The following FKBP5 variants were observed in gnomAD, a reference collection of about 807,000 sequenced individuals.
The protein encoded by FKBP5 is FKBP prolyl isomerase 5.
Under a neutral mutation model 50.5 loss-of-function variants are expected in FKBP5, and 23 were observed. That is an observed-to-expected ratio of 0.46 (90% CI 0.33 to 0.65). The LOEUF (loss-of-function observed/expected upper bound fraction) is 0.65, where lower values mean the gene tolerates loss of function less well. Among genes scored for constraint, FKBP5 ranks in the 30% least tolerant of loss-of-function variants. The probability of loss-of-function intolerance (pLI) is 0.02; values close to 1 mark genes in which losing one functional copy is unlikely to be tolerated. For synonymous variants in FKBP5, 176 were observed against 190.6 expected, an observed-to-expected ratio of 0.92 and a Z score of 0.63; for missense variants, 411 against 553.1, an observed-to-expected ratio of 0.74 and a Z score of 2.58.
intron 5 of FKBP5, chr6:35,607,765 G>A (rs1763368996): frequency 9.2e-6 from 2 of 216,468 alleles, no homozygotes; most frequent in South Asian, 2.0e-4. Context: ...TGATCTGAGA[G>A]CTGTGTGGCT....
At chr6:35,585,009 G>A in intron 8 of FKBP5, 1 of 985,352 alleles carries the variant, frequency 1.0e-6, no homozygotes, top group Non-Finnish European at 1.2e-6. Context: ...CTATATGACA[G>A]ATGGCTTCAT....
intron 5 of FKBP5, among the ~76,000 whole-genome samples, chr6:35,615,625 C>T (rs1364950155): frequency 1.3e-5 from 2 of 151,970 alleles, no homozygotes; most frequent in African/African-American, 4.8e-5. Flanking sequence ...AATAAATATA[C>T]AGTAGGATTC....
At chr6:35,696,395 C>G (rs1245675395) in intron 2 of FKBP5, among the ~76,000 whole-genome samples, 4 of 151,546 alleles carry the variant, frequency 2.6e-5, no homozygotes, top group Admixed American at 6.6e-5. Flanking sequence ...ACCTGTAGTC[C>G]CAGCTACTCA....
At chr6:35,662,479 G>A (rs1024413659) in intron 1 of FKBP5, among the ~76,000 whole-genome samples, 1 of 145,928 alleles carries the variant, frequency 6.9e-6, no homozygotes, top group African/African-American at 2.5e-5. Flanking sequence ...AGACAAGGTC[G>A]CACTATGTTG....
rs1469289255 is a variant in FKBP5 at position 35,711,096 on chromosome 6, G to A, written c.-20+9232C>T. ...TCACTTTGGGAGGCTGAGGTAGGCA[G>A]ATGGCTTGAGTCCGCGAAGTCAAGA... On this transcript the variant is annotated intron_variant, in intron 2 of 11. Coordinates refer to the FKBP5 transcript ENST00000536438. 2.0e-5 allele frequency among the ~76,000 whole-genome samples: 3 copies of A among 152,222 alleles called. No individual in the cohort carries two copies. The East Asian group carries it at 5.8e-4, about 29-fold the overall frequency.
chr6:35,619,315 T>C, intron 4 of FKBP5, 105 bp from the exon 5 acceptor site: 1 of 676,024 alleles, frequency 1.5e-6, no homozygotes, highest in Non-Finnish European at 2.5e-6. Flanking sequence ...AATAAAGCTG[T>C]TTTAAAATAT....
chr6:35,669,024 G>A (rs1415559184), intron 1 of FKBP5, among the ~76,000 whole-genome samples: 2 of 152,072 alleles, frequency 1.3e-5, no homozygotes, highest in Non-Finnish European at 2.9e-5. Flanking sequence ...AAACACTTGA[G>A]ATGCAATTAA....
chr6:35,626,352 T>TA (rs1036340852), intron 3 of FKBP5, among the ~76,000 whole-genome samples: 2 of 152,124 alleles, frequency 1.3e-5, no homozygotes, highest in African/African-American at 2.4e-5. Context: ...TTTTCTGGTT[T>TA]AAAAAAATTA....
In FKBP5 at chr6:35,683,120, ATGTGTGTGTGTGTGTG is replaced by A. The variant is rs35830022; in HGVS notation, c.-20+5668_-20+5683del. ...AGTGTGTGTGTATATATATACGTAT[ATGTGTGTGTGTGTGTG>A]TGTGTGTGTGTGTGTGTGTGTGTGT... On this transcript the variant is annotated intron_variant, in intron 1 of 10. Coordinates refer to ENST00000357266, the MANE Select transcript of FKBP5 (RefSeq NM_004117.4). 0.012 allele frequency among the ~76,000 whole-genome samples: 948 copies of A among 80,668 alleles called. 30 individuals carry two copies. In the East Asian group the frequency reaches 0.12, roughly 10 times the overall value. 52.9% of individuals were successfully genotyped at this position (80,668 alleles called of 152,430 possible). A position where few individuals can be genotyped will look rare whatever the true frequency, so the allele number is the denominator to read the frequency against.
chr6:35,607,929 G>T, intron 5 of FKBP5: 1 of 161,874 alleles, frequency 6.2e-6, no homozygotes, highest in South Asian at 1.7e-4. Context: ...CGCTGCCAAG[G>T]ACTGAGCACT....
intron 1 of FKBP5, among the ~76,000 whole-genome samples, chr6:35,668,966 C>T (rs1765307145): frequency 6.6e-6 from 1 of 151,930 alleles, no homozygotes; most frequent in Admixed American, 6.6e-5. Flanking sequence ...CTAAAGACTC[C>T]TGTAGGAAGT....
chr6:35,705,232 ATATATATATATATATATATATATATATTT>A (rs1409284059), intron 2 of FKBP5, among the ~76,000 whole-genome samples: 382 of 4,062 alleles, frequency 0.094, 5 homozygotes, highest in African/African-American at 0.32. Context: ...ATATATATAT[ATATATATATATATATATATATATATATTT>A]TTTTTTTTTT....
At chr6:35,703,126 T>G (rs796251955) in intron 2 of FKBP5, among the ~76,000 whole-genome samples, 1 of 152,002 alleles carries the variant, frequency 6.6e-6, no homozygotes, top group Admixed American at 6.6e-5. Flanking sequence ...GGCAGGCACC[T>G]GTAATCCCAG....
chr6:35,586,550 T>C (rs1474018159), intron 8 of FKBP5: 2 of 985,130 alleles, frequency 2.0e-6, no homozygotes, highest in Non-Finnish European at 2.4e-6. Flanking sequence ...GAGGATTGCT[T>C]GAGGCTAGAA....
At position 35,630,983 on chromosome 6, in the gene FKBP5, T is replaced by C. The variant is rs114111352; in HGVS notation, c.250+6031A>G. On this transcript the variant is annotated intron_variant, in intron 3 of 10. Coordinates refer to ENST00000357266, the MANE Select transcript of FKBP5 (RefSeq NM_004117.4). ...AAGACAAACAACTGATGTTTTAAAA[T>C]GGGCAGAAGATCTGAACAGACACTT... 7.3e-3 allele frequency among the ~76,000 whole-genome samples: 1,104 copies of C among 152,274 alleles called. 11 individuals carry two copies. The highest frequency in any genetic ancestry group is 0.023 in the African/African-American group (951 of 41,554).
At chr6:35,576,687 C>T (rs538943311) in intron 10 of FKBP5, among the ~76,000 whole-genome samples, 8 of 84,394 alleles carry the variant, frequency 9.5e-5, no homozygotes, top group East Asian at 2.9e-4. Flanking sequence ...GCCCGGGGGG[C>T]GGGCGGGGGG....
chr6:35,650,748 TC>T (rs1447470136), intron 1 of FKBP5, among the ~76,000 whole-genome samples: 4 of 152,170 alleles, frequency 2.6e-5, no homozygotes, highest in Non-Finnish European at 5.9e-5. Flanking sequence ...AGTGCTGGGA[TC>T]ACAGACATGA....
chr6:35,694,596 A>C (rs1013365000), intron 2 of FKBP5, among the ~76,000 whole-genome samples: 17 of 152,182 alleles, frequency 1.1e-4, no homozygotes, highest in African/African-American at 4.1e-4. Flanking sequence ...ATCTAGGGGC[A>C]CCAGCAGTCT....
chr6:35,682,579 T>A (rs1004626120), intron 1 of FKBP5, among the ~76,000 whole-genome samples: 6 of 152,160 alleles, frequency 3.9e-5, no homozygotes, highest in South Asian at 2.1e-4. Context: ...ATCTTTAAAT[T>A]GCCAAGTTTA....
Sources: allele counts gnomAD v4.1 joint callset (sites outside exome capture counted in the v4.1 genomes callset), GRCh38; gene constraint gnomAD v4.1.1; transcripts MANE v1.5; gene names NCBI Gene and HGNC (gene_info 2026-07-23, HGNC 2026-07-21).